OPRM1: variants seen among roughly 807,000 people sequenced by gnomAD.
OPRM1 encodes opioid receptor mu 1.
A neutral mutation model predicts 31.8 loss-of-function variants in OPRM1; 27 were observed. That is an observed-to-expected ratio of 0.85 (90% CI 0.63 to 1.17). OPRM1 has a LOEUF of 1.17. Among genes scored for constraint, OPRM1 ranks in the 50% most tolerant of loss-of-function variants. The pLI, the probability that OPRM1 is intolerant of heterozygous loss-of-function variation, is 0.00. For missense variants in OPRM1, 536 were observed against 511.1 expected, an observed-to-expected ratio of 1.05 and a Z score of -0.47; for synonymous variants, 196 against 189.9, an observed-to-expected ratio of 1.03 and a Z score of -0.26.
intron 3 of OPRM1, among the ~76,000 whole-genome samples, chr6:154,152,296 GAAGAAAGAAAGAAAGAAAGAAAGAAAGA>G (rs1165338713): frequency 1.0e-3 from 97 of 96,576 alleles, no homozygotes; most frequent in African/African-American, 3.6e-3. Flanking sequence ...AAGGAAGAGA[GAAGAAAGAAAGAAAGAAAGAAAGAAAGA>G]AAGAAAGAAA....
chr6:154,037,351 A>C (rs1280701263), upstream of OPRM1, among the ~76,000 whole-genome samples: 1 of 150,894 alleles, frequency 6.6e-6, no homozygotes, highest in African/African-American at 2.5e-5. Context: ...TGACCAAAAA[A>C]TAAAACTAAA....
intron 3 of OPRM1, among the ~76,000 whole-genome samples, chr6:154,212,480 A>C (rs1420149260): frequency 6.6e-6 from 1 of 152,252 alleles, no homozygotes; most frequent in Non-Finnish European, 1.5e-5. Flanking sequence ...ACTGTCAAAG[A>C]AGTCTTTGCA....
At chr6:154,110,587 C>A in intron 3 of OPRM1, 1 of 565,420 alleles carries the variant, frequency 1.8e-6, no homozygotes, top group East Asian at 3.2e-5. Flanking sequence ...CTTTTGACTG[C>A]TCAAGAATTA....
intron 1 of OPRM1, among the ~76,000 whole-genome samples, chr6:154,059,060 G>A (rs1352468070): frequency 6.6e-6 from 1 of 152,174 alleles, no homozygotes; most frequent in Non-Finnish European, 1.5e-5. Flanking sequence ...CATTTGGATG[G>A]CTGACAGGTA....
chr6:154,202,162 C>T (rs554785652), intron 3 of OPRM1, among the ~76,000 whole-genome samples: 23 of 152,288 alleles, frequency 1.5e-4, no homozygotes, highest in African/African-American at 4.8e-4. Context: ...TCAATAAATA[C>T]ACTTTTAAGT....
chr6:154,199,676 A>G (rs2128591212), intron 3 of OPRM1: 1 of 1,605,424 alleles, frequency 6.2e-7, no homozygotes, highest in African/African-American at 1.3e-5. Flanking sequence ...ACCTTTGTCC[A>G]TGATCTTTGA....
chr6:154,034,869 G>T (rs1271704974), upstream of OPRM1, among the ~76,000 whole-genome samples: 1 of 152,136 alleles, frequency 6.6e-6, no homozygotes, highest in Non-Finnish European at 1.5e-5. Flanking sequence ...TAAACTAGTT[G>T]TTTTTGGATA....
intron 3 of OPRM1, among the ~76,000 whole-genome samples, chr6:154,104,426 A>T (rs1795295468): frequency 6.6e-6 from 1 of 152,254 alleles, no homozygotes; most frequent in African/African-American, 2.4e-5. Context: ...AACTAAGCTG[A>T]TATGGGGTTG....
intron 1 of OPRM1, among the ~76,000 whole-genome samples, chr6:154,041,154 C>A (rs1315206209): frequency 2.0e-5 from 3 of 152,096 alleles, no homozygotes; most frequent in Non-Finnish European, 2.9e-5. Flanking sequence ...ATAAGCAATT[C>A]TTTCTACTCA....
At chr6:154,012,848 G>A (rs1219462377) in intron 1 of OPRM1, among the ~76,000 whole-genome samples, 1 of 152,072 alleles carries the variant, frequency 6.6e-6, no homozygotes, top group African/African-American at 2.4e-5. Flanking sequence ...GCCGTCCTTT[G>A]CTGTGTCTTC....
chr6:154,223,456 A>G (rs1157251371), intron 3 of OPRM1, among the ~76,000 whole-genome samples: 2 of 152,176 alleles, frequency 1.3e-5, no homozygotes, highest in African/African-American at 4.8e-5. Flanking sequence ...TCTTTCCAAG[A>G]GAAGTGGCAT....
chr6:154,220,969 T>C (rs940504611), intron 3 of OPRM1, among the ~76,000 whole-genome samples: 8 of 152,258 alleles, frequency 5.3e-5, no homozygotes, highest in African/African-American at 1.9e-4. Context: ...GCCTCTCTCC[T>C]TGTGATGCTG....
chr6:154,146,890 G>A (rs1798371790), intron 3 of OPRM1, among the ~76,000 whole-genome samples: 1 of 152,144 alleles, frequency 6.6e-6, no homozygotes, highest in African/African-American at 2.4e-5. Context: ...AGGGGCATTG[G>A]GAAAGGAGGG....
At chr6:154,225,909 G>A (rs771499629) in intron 3 of OPRM1, among the ~76,000 whole-genome samples, 7 of 152,108 alleles carry the variant, frequency 4.6e-5, no homozygotes, top group Non-Finnish European at 8.8e-5. Context: ...CTCCACCCGC[G>A]TTGCTAAATC....
chr6:154,244,226 T>C (rs1780832896), intron 3 of OPRM1, among the ~76,000 whole-genome samples: 1 of 152,116 alleles, frequency 6.6e-6, no homozygotes, highest in Admixed American at 6.6e-5. Context: ...ATATCACTGC[T>C]AATTAAGCAT....
chr6:154,158,337 A>G (rs1171295120), intron 3 of OPRM1: 1 of 152,238 alleles, frequency 6.6e-6, no homozygotes, highest in African/African-American at 2.4e-5. Flanking sequence ...GGTGATTAGT[A>G]AGGGAAGACT....
intron 3 of OPRM1, among the ~76,000 whole-genome samples, chr6:154,220,628 C>T (rs1778790326): frequency 6.6e-6 from 1 of 152,046 alleles, no homozygotes; most frequent in Non-Finnish European, 1.5e-5. Context: ...GGCAACAGAA[C>T]AAGACTGTCT....
chr6:154,135,329 C>T (rs950809325), downstream of OPRM1, among the ~76,000 whole-genome samples: 2 of 152,050 alleles, frequency 1.3e-5, no homozygotes, highest in African/African-American at 4.8e-5. Flanking sequence ...ATTAGCCAGG[C>T]ATGGTGGCAG....
At chr6:154,183,413 T>C (rs1206842660) in intron 3 of OPRM1, among the ~76,000 whole-genome samples, 1 of 152,266 alleles carries the variant, frequency 6.6e-6, no homozygotes, top group Admixed American at 6.5e-5. Context: ...GCTTTAAAGA[T>C]AGTACTTCTT....
Sources: gnomAD v4.1 joint callset for allele counts (sites outside exome capture counted in the v4.1 genomes callset) on GRCh38, gnomAD v4.1.1 for gene constraint, MANE v1.5 for transcripts, NCBI Gene and HGNC (gene_info 2026-07-23, HGNC 2026-07-21) for gene names.